ADGRA3: variants seen among roughly 807,000 people sequenced by gnomAD.
ADGRA3 encodes G-protein coupled receptor 125.
ADGRA3 carries 56 observed loss-of-function variants against 119.8 expected under a neutral mutation model. The ratio of observed to expected loss-of-function variants is 0.47; its 90% CI spans 0.38 to 0.58. The LOEUF is 0.58. ADGRA3 is among the 20% of genes least tolerant of loss of function. The probability of loss-of-function intolerance (pLI) is 0.00; values close to 1 mark genes in which losing one functional copy is unlikely to be tolerated. For missense variants in ADGRA3, 1,516 were observed against 1,649.0 expected (o/e 0.92, Z 1.40); for synonymous variants, 607 against 623.8 (o/e 0.97, Z 0.40).
At chr4:22,483,490 C>G (rs761299286) in intron 1 of ADGRA3, among the ~76,000 whole-genome samples, 8 of 152,130 alleles carry the variant, frequency 5.3e-5, no homozygotes, top group Non-Finnish European at 1.0e-4. Context: ...TTCTGGAAAT[C>G]AAAAATTCTA....
intron 10 of ADGRA3, among the ~76,000 whole-genome samples, chr4:22,429,461 G>A (rs917613452): frequency 3.3e-5 from 5 of 152,208 alleles, no homozygotes; most frequent in African/African-American, 4.8e-5. Context: ...CACGAGGTAT[G>A]TTTTGACTTC....
At chr4:22,400,985 G>GT (rs1321904331) in intron 16 of ADGRA3, among the ~76,000 whole-genome samples, 9 of 152,114 alleles carry the variant, frequency 5.9e-5, no homozygotes, top group Non-Finnish European at 1.0e-4. Context: ...GAAACAAAGA[G>GT]TAAGATATTT....
chr4:22,494,032 G>T (rs916338486), intron 1 of ADGRA3, among the ~76,000 whole-genome samples: 1 of 151,838 alleles, frequency 6.6e-6, no homozygotes, highest in Admixed American at 6.6e-5. Context: ...GTGAAACCCC[G>T]TCTCTACTAA....
At position 22,461,749 on chromosome 4, in the gene ADGRA3, G is replaced by C; in HGVS notation, c.389C>G (p.Ser130Cys). Residue 130 changes from serine (S) to cysteine (C), a missense_variant, in exon 3 of 19, where the codon TCT (serine) becomes TGT (cysteine). Around this residue, in one of 2 missense-constraint regions of ADGRA3, gnomAD observed 428 missense variants for 541.9 expected, o/e 0.79. Transcript: ENST00000334304. ...TTCAAACACTTACAATCTTTTTAGA[G>C]ATGACAGTCCCCAGAAGGCACCTGG... ...IDPGAFWGLS[S>C]LKRLDLTNNR... 6.2e-7 allele frequency: 1 copy of C among 1,603,540 alleles called. No homozygotes were observed. Among genetic ancestry groups the C allele is most frequent in the Non-Finnish European group, 8.5e-7 (1 of 1,173,152 alleles).
At chr4:22,483,669 T>C (rs1718324378) in intron 1 of ADGRA3, among the ~76,000 whole-genome samples, 1 of 152,230 alleles carries the variant, frequency 6.6e-6, no homozygotes. Context: ...TCAGTGGTTG[T>C]CATTGTTGGC....
chr4:22,477,929 TATC>T (rs1230903083), intron 1 of ADGRA3, among the ~76,000 whole-genome samples: 1 of 152,210 alleles, frequency 6.6e-6, no homozygotes, highest in Non-Finnish European at 1.5e-5. Context: ...AAATGCATAA[TATC>T]ATGTATTATT....
At chr4:22,481,388 A>G (rs1560339089) in intron 1 of ADGRA3, among the ~76,000 whole-genome samples, 1 of 152,202 alleles carries the variant, frequency 6.6e-6, no homozygotes, top group Non-Finnish European at 1.5e-5. Context: ...CTAGTTCAAA[A>G]GCAAAAAAAC....
At chr4:22,506,304 G>GCACCAAT (rs1449235199) in intron 1 of ADGRA3, among the ~76,000 whole-genome samples, 1 of 152,176 alleles carries the variant, frequency 6.6e-6, no homozygotes, top group African/African-American at 2.4e-5. Context: ...TGTAATCCCA[G>GCACCAAT]CACTTTGGGA....
chr4:22,434,056 G>C (rs10006549), intron 10 of ADGRA3, among the ~76,000 whole-genome samples: 2,595 of 151,462 alleles, frequency 0.017, 74 homozygotes, highest in African/African-American at 0.06. Context: ...ATCAAGTAAA[G>C]TGCCTAATGC....
At chr4:22,496,735 G>T (rs10013414) in intron 1 of ADGRA3, among the ~76,000 whole-genome samples, 2,497 of 152,308 alleles carry the variant, frequency 0.016, 73 homozygotes, top group African/African-American at 0.058. Flanking sequence ...ACTTCAAACG[G>T]TGAGGAACCC....
chr4:22,496,154 T>C (rs1005353008), intron 1 of ADGRA3, among the ~76,000 whole-genome samples: 3 of 152,168 alleles, frequency 2.0e-5, no homozygotes, highest in Non-Finnish European at 2.9e-5. Flanking sequence ...TATCTGTCAA[T>C]GTGAATTTGT....
rs190182471 is a variant in ADGRA3 at position 22,494,811 on chromosome 4, T to C, written c.257+20717A>G. On this transcript the variant is annotated intron_variant, in intron 1 of 18. Transcript: ENST00000334304. ...TAACTAAATAATACATTTACAGAAG[T>C]CAAAGGTGAAAACTATATACAAAGA... is the stretch of plus-strand genomic sequence containing the variant. 8.6e-5 allele frequency among the ~76,000 whole-genome samples: 13 copies of C among 152,020 alleles called. No individual in the cohort carries two copies. In the East Asian group the frequency reaches 2.5e-3, roughly 29 times the overall value.
At chr4:22,423,617 A>G (rs1330361812) in intron 11 of ADGRA3, among the ~76,000 whole-genome samples, 1 of 152,246 alleles carries the variant, frequency 6.6e-6, no homozygotes, top group African/African-American at 2.4e-5. Flanking sequence ...TTGAGTGATC[A>G]TTATTTATTA....
rs1713995893 is a variant in ADGRA3 at position 22,389,102 on chromosome 4, C to T, written c.2709G>A (p.Arg903=). 6.2e-7 allele frequency: 1 copy of T among 1,613,706 alleles called. No homozygotes were observed. Among genetic ancestry groups the T allele is most frequent in the Admixed American group, 1.7e-5 (1 of 59,976 alleles). Residue 903 remains arginine, a synonymous_variant, in exon 18 of 19, where the codon CGG becomes CGA. Transcript: ENST00000334304. ...AAAATACTCACTAGGGTGCGTTTGG[C>T]CGACTGCCGTAATTCTTAATGTTCG... The part of the protein sequence containing the change: ...AAANIKNYGS[R]PNAPYCWMAW...
At chr4:22,505,680 C>A (rs1305053645) in intron 1 of ADGRA3, among the ~76,000 whole-genome samples, 1 of 151,418 alleles carries the variant, frequency 6.6e-6, no homozygotes, top group African/African-American at 2.4e-5. Context: ...TAAAATTCCA[C>A]GGTTATCCCC....
intron 3 of ADGRA3, among the ~76,000 whole-genome samples, chr4:22,456,502 A>C (rs958140361): frequency 6.6e-6 from 1 of 152,160 alleles, no homozygotes; most frequent in African/African-American, 2.4e-5. Context: ...ATCAGGCTAC[A>C]GGTTCTTTGT....
intron 11 of ADGRA3, among the ~76,000 whole-genome samples, chr4:22,421,970 T>C (rs144225254): frequency 2.0e-5 from 3 of 146,626 alleles, no homozygotes; most frequent in Middle Eastern, 3.6e-3. Context: ...CTGAAAAATA[T>C]GGCACCTGCC....
chr4:22,419,152 A>C (rs1050029962), intron 12 of ADGRA3, among the ~76,000 whole-genome samples: 17 of 151,852 alleles, frequency 1.1e-4, no homozygotes, highest in African/African-American at 4.1e-4. Flanking sequence ...CTGCCTCTTT[A>C]TGGGTTTAAC....
At chr4:22,461,202 T>C (rs753113317) in intron 3 of ADGRA3, among the ~76,000 whole-genome samples, 24 of 152,378 alleles carry the variant, frequency 1.6e-4, no homozygotes, top group Middle Eastern at 3.4e-3. Flanking sequence ...GCCGACATGG[T>C]AATGATTTTA....
Sources: gnomAD v4.1 joint callset for allele counts (sites outside exome capture counted in the v4.1 genomes callset) on GRCh38, gnomAD v4.1.1 for gene constraint, gnomAD v4.1.1 regional missense constraint, MANE v1.5 for transcripts, NCBI Gene and HGNC (gene_info 2026-07-23, HGNC 2026-07-21) for gene names.